ATR: variants seen among roughly 807,000 people sequenced by gnomAD.
The protein encoded by ATR is serine/threonine-protein kinase ATR.
Under a neutral mutation model 305.3 loss-of-function variants are expected in ATR, and 142 were observed. The observed-to-expected ratio is 0.47, with a 90% CI of 0.41 to 0.53. ATR has a LOEUF of 0.53. Ranked by LOEUF, ATR falls within the 20% of genes least tolerant of loss-of-function variation. The pLI is 0.00. For synonymous variants in ATR, 1,050 were observed against 1,068.1 expected, an observed-to-expected ratio of 0.98 and a Z score of 0.33; for missense variants, 2,135 against 3,133.1, an observed-to-expected ratio of 0.68 and a Z score of 7.60.
At position 142,498,707 on chromosome 3, in the gene ATR, G is replaced by T; in HGVS notation, c.5448C>A (p.Ile1816=). The T allele has an allele frequency of 1.2e-6, 2 of 1,613,938 alleles. No individual in the cohort carries two copies. The highest frequency in any genetic ancestry group is 1.7e-6 in the Non-Finnish European group (2 of 1,179,884). Residue 1816 remains isoleucine (I), a synonymous_variant, in exon 32 of 47, where the codon ATC becomes ATA. Transcript: ENST00000350721. ...GTTTCAGTGAGTCATAAAAAGCTGT[G>T]ATATCTCTTTTTTTGGCTGATAATA... The part of the protein sequence containing the change: ...QLLLSAKKRD[I]TAFYDSLKLV...
rs1247265069 is a variant in ATR at position 142,540,776 on chromosome 3, CAAAT to C, written c.3581+124_3581+127del. 7 of 1,174,366 alleles carry C rather than the reference CAAAT, an allele frequency of 6.0e-6. No homozygotes were observed. In the South Asian group the frequency reaches 7.6e-5, roughly 13 times the overall value. The allele number at this position is 1,174,366 out of a possible 1,614,324, so 72.7% of individuals were successfully genotyped here. On this transcript the variant is annotated intron_variant, in intron 18 of 46. Transcript: ENST00000350721. ...AAGTAAATATGTTCTATTTTAAATACAAATAAATAGTCTTTCTACCTTATTTATT... is the reference window on the plus strand; with the variant it reads ...AAGTAAATATGTTCTATTTTAAATACAAATAGTCTTTCTACCTTATTTATT...
intron 21 of ATR, among the ~76,000 whole-genome samples, chr3:142,533,737 A>C (rs1256616968): frequency 1.3e-5 from 2 of 152,194 alleles, no homozygotes; most frequent in African/African-American, 4.8e-5. Context: ...ACTTTAAAAA[A>C]ATCCCATAAT....
Position 142,519,700 on chromosome 3 carries a change from G to A in ATR, c.4351C>T (p.Arg1451Trp), listed in dbSNP as rs148064542. The A allele has an allele frequency of 3.0e-4, 484 of 1,613,646 alleles. No homozygotes were observed. Among genetic ancestry groups the A allele is most frequent in the Non-Finnish European group, 3.4e-4 (402 of 1,179,646 alleles). ...TTTAGATGAGGTTCTAGTATTTCCCGAACATGCTCAGGAAATCTCCTCCAC... is the reference window on the plus strand; with the variant it reads ...TTTAGATGAGGTTCTAGTATTTCCCAAACATGCTCAGGAAATCTCCTCCAC... ...QLWRRFPEHV[R>W]EILEPHLNTR... Residue 1451 changes from arginine (R) to tryptophan (W), a missense_variant, in exon 24 of 47, where the codon CGG becomes TGG. This residue lies in a region of ATR where 202 missense variants were observed against 252.9 expected (regional missense o/e 0.80). Coordinates refer to ENST00000350721, the MANE Select transcript of ATR (RefSeq NM_001184.4).
At chr3:142,556,277 C>T (rs994240481) in intron 9 of ATR, 106 bp downstream of exon 9, 1 of 1,480,708 alleles carries the variant, frequency 6.8e-7, no homozygotes, top group Non-Finnish European at 9.2e-7. Context: ...CTAAAAGCAA[C>T]ATTTGCTTTA....
At chr3:142,504,940 G>A (rs922201829) in intron 29 of ATR, among the ~76,000 whole-genome samples, 199 bp downstream of exon 29, 5 of 151,988 alleles carry the variant, frequency 3.3e-5, no homozygotes, top group African/African-American at 7.2e-5. Flanking sequence ...CCAGCTACTC[G>A]GGAGGCTGAG....
chr3:142,458,883 T>A (rs966456140), intron 44 of ATR, 75 bp downstream of exon 44: 6 of 1,518,494 alleles, frequency 4.0e-6, no homozygotes, highest in Middle Eastern at 1.7e-4. Flanking sequence ...AACAGGTATG[T>A]CAAGGAAGAT....
intron 30 of ATR, 108 bp downstream of exon 30, chr3:142,503,254 C>A: frequency 1.3e-6 from 1 of 799,522 alleles, no homozygotes; most frequent in South Asian, 1.7e-5. Context: ...ACCATGAAAA[C>A]ACATAAAACA....
chr3:142,536,021 T>C (rs1317568255), intron 20 of ATR, 87 bp downstream of exon 20: 2 of 941,360 alleles, frequency 2.1e-6, no homozygotes, highest in Non-Finnish European at 3.5e-6. Flanking sequence ...CTAGATATGA[T>C]CCTAAAGGAT....
In ATR at chr3:142,469,507, C is replaced by T. The variant is rs772899026; in HGVS notation, c.6382G>A (p.Glu2128Lys). 1.9e-6 allele frequency: 3 copies of T among 1,613,900 alleles called. No homozygotes were observed. Among genetic ancestry groups the T allele is most frequent in the Non-Finnish European group, 2.5e-6 (3 of 1,179,886 alleles). ...TATGGAGCTAAATAGTTTGTATGCT[C>T]TGTGATAACCTTGTTTATTTTACCC... ...DLGKINKVIT[E>K]HTNYLAPYQF... The change falls in exon 38 of 47, where the codon GAG becomes AAG. Residue 2128 changes from glutamate (E) to lysine (K), a missense_variant. Glu to Lys is a moderately conservative substitution (Grantham distance 56). Coordinates refer to ENST00000350721, the MANE Select transcript of ATR (RefSeq NM_001184.4).
intron 21 of ATR, among the ~76,000 whole-genome samples, chr3:142,528,901 T>TTTG: frequency 7.6e-6 from 1 of 131,478 alleles, no homozygotes; most frequent in African/African-American, 3.1e-5. Context: ...TTTTTTTTTT[T>TTTG]GAGGCAGAGT....
intron 44 of ATR, 116 bp from the exon 45 acceptor site, chr3:142,457,871 T>C: frequency 8.6e-7 from 1 of 1,160,168 alleles, no homozygotes; most frequent in Non-Finnish European, 1.2e-6. Flanking sequence ...TCAAAATATT[T>C]ATGTTGTAAT....
At chr3:142,542,213 T>C (rs566627031) in intron 17 of ATR, among the ~76,000 whole-genome samples, 29 of 152,280 alleles carry the variant, frequency 1.9e-4, no homozygotes, top group African/African-American at 6.5e-4. Context: ...ATGATGCAAC[T>C]TTTGTTTGAG....
At chr3:142,568,491 C>A (rs1056812766) in intron 1 of ATR, among the ~76,000 whole-genome samples, 1 of 152,186 alleles carries the variant, frequency 6.6e-6, no homozygotes, top group Non-Finnish European at 1.5e-5. Flanking sequence ...CCAGTTGGAG[C>A]GGTGAGGAAG....
intron 35 of ATR, among the ~76,000 whole-genome samples, chr3:142,490,166 C>T (rs1286630274): frequency 1.3e-5 from 2 of 152,188 alleles, no homozygotes; most frequent in African/African-American, 4.8e-5. Context: ...TCAAGTGATC[C>T]TCCTGCTTTA....
At chr3:142,525,382 A>G (rs959087786) in intron 21 of ATR, among the ~76,000 whole-genome samples, 2 of 151,696 alleles carry the variant, frequency 1.3e-5, no homozygotes, top group East Asian at 1.9e-4. Flanking sequence ...TATTTTTTAC[A>G]TGTTTTATTT....
intron 27 of ATR, among the ~76,000 whole-genome samples, chr3:142,511,179 G>A (rs1031370429): frequency 6.6e-6 from 1 of 151,720 alleles, no homozygotes; most frequent in African/African-American, 2.4e-5. Flanking sequence ...AGTGAAGAAT[G>A]ACAAAGAACA....
chr3:142,500,997 T>C (rs2031930450), intron 30 of ATR, among the ~76,000 whole-genome samples: 1 of 152,188 alleles, frequency 6.6e-6, no homozygotes, highest in Non-Finnish European at 1.5e-5. Flanking sequence ...TGTGAGAATG[T>C]ATCCACATAA....
At position 142,485,355 on chromosome 3, in the gene ATR, G is replaced by C. The variant is rs2030848146; in HGVS notation, c.6079-73C>G. ...GCTGGGAAGTAAAATATGAATAGATGATTAGGGATCAAAAGTATGTGACCT... is the reference window on the plus strand; with the variant it reads ...GCTGGGAAGTAAAATATGAATAGATCATTAGGGATCAAAAGTATGTGACCT... On this transcript the variant is annotated intron_variant, in intron 35 of 46. Transcript: ENST00000350721. The C allele has an allele frequency of 1.9e-6, 3 of 1,543,762 alleles. No homozygotes were observed. In the Admixed American group the frequency reaches 5.5e-5, roughly 28 times the overall value.
At chr3:142,499,922 CTAAT>C in intron 30 of ATR, 1 of 491,638 alleles carries the variant, frequency 2.0e-6, no homozygotes, top group South Asian at 2.4e-5. Context: ...TATTTTTTCA[CTAAT>C]TACTTCTGAT....
Sources: gnomAD v4.1 joint callset for allele counts (sites outside exome capture counted in the v4.1 genomes callset) on GRCh38, gnomAD v4.1.1 for gene constraint, gnomAD v4.1.1 regional missense constraint, MANE v1.5 for transcripts, NCBI Gene and HGNC (gene_info 2026-07-23, HGNC 2026-07-21) for gene names.